PPEF1: variants seen among roughly 807,000 people sequenced by gnomAD.
The protein encoded by PPEF1 is protein phosphatase with EF-hand domain 1.
Under a neutral mutation model 53.3 loss-of-function variants are expected in PPEF1, and 12 were observed. The observed-to-expected ratio is 0.23, with a 90% confidence interval of 0.14 to 0.36. PPEF1 has a LOEUF of 0.36. PPEF1 is among the 10% of genes least tolerant of loss of function. The probability of loss-of-function intolerance (pLI) is 1.00; values close to 1 mark genes in which losing one functional copy is unlikely to be tolerated. For synonymous variants in PPEF1, 165 were observed against 176.7 expected (o/e 0.93, Z 0.52); for missense variants, 334 against 490.4 (o/e 0.68, Z 3.01).
chrX:18,688,786 A>G (rs901454669), intron 3 of PPEF1: 4 of 112,179 alleles, frequency 3.6e-5, no homozygotes, highest in African/African-American at 9.7e-5. Flanking sequence ...TAAGAAATAC[A>G]TTGGTTCAGT....
chrX:18,763,821 C>T (rs988863202), intron 6 of PPEF1, among the ~76,000 whole-genome samples: 1 of 111,515 alleles, frequency 9.0e-6, no homozygotes, highest in African/African-American at 3.3e-5. Context: ...GAAGAGGTTC[C>T]GTTGAGACTT....
chrX:18,706,012 G>T (rs909572036), upstream of PPEF1, among the ~76,000 whole-genome samples: 10 of 104,882 alleles, frequency 9.5e-5, no homozygotes, highest in African/African-American at 3.6e-4. Flanking sequence ...TCACACCTGT[G>T]ATCCCAGCAC....
chrX:18,739,515 C>T (rs12007369), intron 3 of PPEF1, among the ~76,000 whole-genome samples: 48,205 of 110,428 alleles, frequency 0.44, 8,470 homozygotes, highest in Non-Finnish European at 0.56. Flanking sequence ...CAGAGGGGTA[C>T]CTGGCTGTAT....
intron 12 of PPEF1, among the ~76,000 whole-genome samples, chrX:18,816,217 T>A (rs1250829097): frequency 8.9e-6 from 1 of 112,030 alleles, no homozygotes; most frequent in African/African-American, 3.2e-5. Flanking sequence ...ATCTTAAAAG[T>A]ATTTTCTGAC....
chrX:18,701,217 TA>T (rs761569126), intron 6 of PPEF1, among the ~76,000 whole-genome samples: 7 of 112,411 alleles, frequency 6.2e-5, no homozygotes, highest in African/African-American at 2.3e-4. Context: ...ATTACTGGTA[TA>T]GCATTCTTTC....
intron 3 of PPEF1, among the ~76,000 whole-genome samples, chrX:18,747,074 TG>T (rs1410772672): frequency 9.0e-6 from 1 of 111,157 alleles, no homozygotes; most frequent in African/African-American, 3.3e-5. Flanking sequence ...TGCTGAGTTT[TG>T]AAGGATGATA....
chrX:18,797,230 A>G (rs1477910296), intron 10 of PPEF1, among the ~76,000 whole-genome samples: 1 of 112,316 alleles, frequency 8.9e-6, no homozygotes, highest in East Asian at 2.8e-4. Context: ...AACAGAGCTG[A>G]CAATTACTTT....
At chrX:18,691,385 C>T (rs781059164) in intron 4 of PPEF1, 1 of 111,625 alleles carries the variant, frequency 9.0e-6, no homozygotes, top group Admixed American at 9.5e-5. Context: ...TGTCTGAGGA[C>T]CTTTCTAGAC....
intron 1 of PPEF1, among the ~76,000 whole-genome samples, chrX:18,714,689 T>G (rs1325891067): frequency 8.9e-6 from 1 of 112,672 alleles, no homozygotes; most frequent in Non-Finnish European, 1.9e-5. Flanking sequence ...CCTCTGAATG[T>G]TGCTGCTTCA....
At chrX:18,782,818 G>A (rs1281020192) in intron 8 of PPEF1, among the ~76,000 whole-genome samples, 1 of 110,940 alleles carries the variant, frequency 9.0e-6, no homozygotes, top group African/African-American at 3.3e-5. Context: ...GAGTTGGTCA[G>A]AAGGCAGAGG....
intron 1 of PPEF1, among the ~76,000 whole-genome samples, chrX:18,723,811 G>A (rs993695895): frequency 1.1e-4 from 12 of 107,709 alleles, no homozygotes; most frequent in South Asian, 4.2e-4. Context: ...ACAGAGTCTT[G>A]CTCTGTTGCC....
At chrX:18,772,726 G>A (rs2045894247) in intron 6 of PPEF1, among the ~76,000 whole-genome samples, 1 of 112,472 alleles carries the variant, frequency 8.9e-6, no homozygotes, top group South Asian at 3.7e-4. Context: ...TTAGCTGGAT[G>A]GATTCTGGCT....
chrX:18,725,591 CAG>C (rs2044688031), intron 1 of PPEF1, among the ~76,000 whole-genome samples: 1 of 111,894 alleles, frequency 8.9e-6, no homozygotes, highest in African/African-American at 3.2e-5. Context: ...CAGAGCCTCA[CAG>C]GGGGCAACTG....
At chrX:18,804,328 A>G (rs1294117855) in intron 11 of PPEF1, among the ~76,000 whole-genome samples, 19 of 103,999 alleles carry the variant, frequency 1.8e-4, no homozygotes, top group African/African-American at 2.8e-4. Flanking sequence ...TTTTTTTGAG[A>G]TGGAGTCTCA....
intron 10 of PPEF1, among the ~76,000 whole-genome samples, chrX:18,798,975 C>A (rs771842090): frequency 9.0e-6 from 1 of 110,949 alleles, no homozygotes; most frequent in East Asian, 3.0e-4. Flanking sequence ...TGGCGGCTCA[C>A]GCCTGTGATC....
chrX:18,685,187 T>C (rs1377101531), intron 2 of PPEF1, among the ~76,000 whole-genome samples: 2 of 112,371 alleles, frequency 1.8e-5, no homozygotes, highest in East Asian at 5.6e-4. Context: ...GAGGGAAAGA[T>C]TTCAAGTGTG....
chrX:18,790,652 C>G (rs1376920083), intron 10 of PPEF1, among the ~76,000 whole-genome samples: 1 of 111,067 alleles, frequency 9.0e-6, no homozygotes, highest in East Asian at 2.8e-4. Flanking sequence ...AGGTGAGATT[C>G]CAAATTCTTT....
At chrX:18,713,999 G>A (rs771619821) in intron 1 of PPEF1, among the ~76,000 whole-genome samples, 14 of 111,165 alleles carry the variant, frequency 1.3e-4, no homozygotes, top group Non-Finnish European at 2.3e-4. Context: ...ATTTCTTTGT[G>A]CAAAGCCTTT....
rs1474765868 is a variant in PPEF1, at chrX:18,788,287, A to G, written c.913-834A>G. ...GCCACTGCACTCCAGCCTGGGGGAC[A>G]GAGCAAGACTCTGTCTCAAAAAAAA... On this transcript the variant is annotated intron_variant, in intron 9 of 15. Transcript: ENST00000470157. 4.3e-5 allele frequency among the ~76,000 whole-genome samples: 4 copies of G among 91,959 alleles called. No homozygotes were observed. The East Asian group carries it at 1.0e-3, about 24-fold the overall frequency. The allele number at this position is 91,959 out of a possible 115,157, so 79.9% of individuals were successfully genotyped here. A position where few individuals can be genotyped will look rare whatever the true frequency, so the allele number is the denominator to read the frequency against.
Sources: allele counts gnomAD v4.1 joint callset (sites outside exome capture counted in the v4.1 genomes callset), GRCh38; gene constraint gnomAD v4.1.1; transcripts MANE v1.5; gene names NCBI Gene and HGNC (gene_info 2026-07-23, HGNC 2026-07-21).